Variants in FAT1 observed in about 807,000 individuals in gnomAD.
The protein encoded by FAT1 is protocadherin Fat 1.
FAT1 carries 171 observed loss-of-function variants against 329.8 expected under a neutral mutation model. That is an observed-to-expected ratio of 0.52 (90% CI 0.46 to 0.59). The LOEUF (loss-of-function observed/expected upper bound fraction) is 0.59, where lower values mean the gene tolerates loss of function less well. Among genes scored for constraint, FAT1 ranks in the 20% least tolerant of loss-of-function variants. The probability of loss-of-function intolerance (pLI) is 0.00; values close to 1 mark genes in which losing one functional copy is unlikely to be tolerated. For missense variants in FAT1, 5,672 were observed against 5,774.4 expected, an observed-to-expected ratio of 0.98 and a Z score of 0.57; for synonymous variants, 2,233 against 2,228.6, an observed-to-expected ratio of 1.00 and a Z score of -0.06.
At chr4:186,602,027 T>C (rs916111315) in intron 20 of FAT1, among the ~76,000 whole-genome samples, 1 of 151,922 alleles carries the variant, frequency 6.6e-6, no homozygotes, top group Non-Finnish European at 1.5e-5. Flanking sequence ...ACCCAGACCA[T>C]CAAACAACAT....
rs201255830 is a variant in FAT1, at chr4:186,600,014, T to C, written c.11987A>G (p.Tyr3996Cys). The change falls in exon 22 of 27, where the codon TAT (tyrosine) becomes TGT (cysteine). Residue 3996 changes from tyrosine to cysteine, a missense_variant. Physicochemically the swap from Tyr to Cys is radical, Grantham distance 194 (BLOSUM62 -2). Coordinates refer to ENST00000441802, the MANE Select transcript of FAT1 (RefSeq NM_005245.4). The stretch of plus-strand genomic sequence containing the variant: ...ATCCACCGACTCTTCGATGTGTGCA[T>C]AGCTTCTGGGTTTGCTGTTTAAAGG... ...ELPLNSKPRSYAHIEESVDVS... is the reference protein window; with the variant it reads ...ELPLNSKPRSCAHIEESVDVS... 348 of 1,613,984 alleles carry C rather than the reference T, an allele frequency of 2.2e-4. 1 individual carries two copies. The highest frequency in any genetic ancestry group is 2.7e-5 in the Non-Finnish European group (32 of 1,179,874).
intron 1 of FAT1, among the ~76,000 whole-genome samples, chr4:186,713,269 C>G (rs1745049414): frequency 6.6e-6 from 1 of 152,082 alleles, no homozygotes; most frequent in African/African-American, 2.4e-5. Context: ...ATTTTCCTTG[C>G]TTTTAATGAT....
intron 3 of FAT1, among the ~76,000 whole-genome samples, chr4:186,652,809 C>A (rs1330598743): frequency 6.6e-6 from 1 of 152,072 alleles, no homozygotes; most frequent in African/African-American, 2.4e-5. Flanking sequence ...TACTCTGGTT[C>A]AGAAAAAAAT....
chr4:186,720,247 CTTAT>C (rs903173091), intron 1 of FAT1, among the ~76,000 whole-genome samples: 2 of 152,180 alleles, frequency 1.3e-5, no homozygotes, highest in Non-Finnish European at 2.9e-5. Flanking sequence ...TCACATACAG[CTTAT>C]TTGTTTTCAC....
chr4:186,610,244 A>G (rs1311032252), intron 14 of FAT1, among the ~76,000 whole-genome samples: 1 of 152,082 alleles, frequency 6.6e-6, no homozygotes, highest in Non-Finnish European at 1.5e-5. Flanking sequence ...TGATATTTAA[A>G]TTGCTTTTCC....
intron 3 of FAT1, among the ~76,000 whole-genome samples, chr4:186,643,089 T>G (rs1479085119): frequency 1.3e-5 from 2 of 152,222 alleles, no homozygotes; most frequent in Non-Finnish European, 2.9e-5. Flanking sequence ...CTGAGACCAG[T>G]GGAATTTAAA....
In FAT1 at chr4:186,633,597, T is replaced by C. The variant is rs147426020; in HGVS notation, c.4323+87A>G. ...GATTTTAGACCCTCACAGGGCAGAATCCACCGCTCATATTGCCCGTGGACC... is the reference window on the plus strand; with the variant it reads ...GATTTTAGACCCTCACAGGGCAGAACCCACCGCTCATATTGCCCGTGGACC... On this transcript the variant is annotated intron_variant, in intron 7 of 26. Coordinates refer to ENST00000441802, the MANE Select transcript of FAT1 (RefSeq NM_005245.4). 722 of 1,445,518 alleles carry C rather than the reference T, an allele frequency of 5.0e-4. 2 individuals are homozygous for C. In the African/African-American group the frequency reaches 8.6e-3, roughly 17 times the overall value. The allele number at this position is 1,445,518 out of a possible 1,614,324, so 89.5% of individuals were successfully genotyped here.
chr4:186,698,283 C>G (rs560422314), intron 2 of FAT1, among the ~76,000 whole-genome samples: 2 of 152,268 alleles, frequency 1.3e-5, no homozygotes, highest in African/African-American at 2.4e-5. Context: ...GGAAGTGCCC[C>G]CGCAGCGAAG....
chr4:186,692,486 G>T (rs1027229898), intron 2 of FAT1, among the ~76,000 whole-genome samples: 1 of 151,888 alleles, frequency 6.6e-6, no homozygotes, highest in African/African-American at 2.4e-5. Flanking sequence ...CTAATTTTTT[G>T]TATTTTTAGT....
chr4:186,622,411 A>G (rs570778502), intron 9 of FAT1, among the ~76,000 whole-genome samples: 3 of 152,272 alleles, frequency 2.0e-5, no homozygotes, highest in African/African-American at 7.2e-5. Context: ...TAATGCCTGC[A>G]GACATTTTTG....
Position 186,707,582 on chromosome 4 carries a change from T to A in FAT1, c.2246A>T (p.Asn749Ile), listed in dbSNP as rs369161430. 5 of 1,614,044 alleles carry A rather than the reference T, an allele frequency of 3.1e-6. No individual in the cohort carries two copies. Among genetic ancestry groups the A allele is most frequent in the Non-Finnish European group, 3.4e-6 (4 of 1,179,894 alleles). ...AGAAACAGCATAGACCAGTTTTCCA[T>A]TGAAGCCAGTGTCAAGGTCAGTGGA... ...MNSTDLDTGF[N>I]GKLVYAVSGG... The change falls in exon 2 of 27, where the codon AAT becomes ATT. Residue 749 changes from asparagine (N) to isoleucine (I), a missense_variant. Physicochemically the swap from Asn to Ile is moderately radical, Grantham distance 149. This residue lies in a region of FAT1 where 3,966 missense variants were observed against 3,915.2 expected (regional missense o/e 1.01). Coordinates refer to ENST00000441802, the MANE Select transcript of FAT1 (RefSeq NM_005245.4).
chr4:186,595,791 T>G lies in FAT1; in HGVS notation c.13036A>C (p.Lys4346Gln). 6.2e-7 allele frequency: 1 copy of G among 1,613,916 alleles called. No homozygotes were observed. The highest frequency in any genetic ancestry group is 8.5e-7 in the Non-Finnish European group (1 of 1,179,876). ...TGGGAAGGCTTTTCCTCTAGAGGCTTCTTGGAAAGACAGGGATCAAGATCC... is the reference window on the plus strand; with the variant it reads ...TGGGAAGGCTTTTCCTCTAGAGGCTGCTTGGAAAGACAGGGATCAAGATCC... Reference protein sequence around the residue: ...VVDLDPCLSKKPLEEKPSQPY... With the variant: ...VVDLDPCLSKQPLEEKPSQPY... Residue 4346 changes from lysine to glutamine, a missense_variant, in exon 26 of 27, where the codon AAG becomes CAG. Physicochemically the swap from Lys to Gln is moderately conservative, Grantham distance 53. This residue lies in a region of FAT1 where 1,706 missense variants were observed against 1,859.1 expected (regional missense o/e 0.92). Coordinates refer to ENST00000441802, the MANE Select transcript of FAT1 (RefSeq NM_005245.4).
In FAT1 at chr4:186,619,173, A is replaced by C. The variant is rs2126502924; in HGVS notation, c.7413T>G (p.Val2471=). ...YSLNLSVSDG[V]FRSSTQVHVT... is the part of the protein sequence containing the mutation. ...CATGAACCTGGGTGGAACTTCTAAA[A>C]ACTCCATCAGACACTGACAGGTTAA... Residue 2471 remains valine, a synonymous_variant, in exon 10 of 27, where the codon GTT becomes GTG. Transcript: ENST00000441802. 1 of 1,613,952 alleles carries C rather than the reference A, an allele frequency of 6.2e-7. No homozygotes were observed. Among genetic ancestry groups the C allele is most frequent in the South Asian group, 1.1e-5 (1 of 91,080 alleles).
rs149133252 is a variant in FAT1 at position 186,595,441 on chromosome 4, G to A, written c.13138+248C>T. Reference sequence around the variant, plus strand: ...AAAAAAAGCCAATATAAGATTAGTCGATCAGATCCTTCAATGAATATGTTC... The same window carrying A: ...AAAAAAAGCCAATATAAGATTAGTCAATCAGATCCTTCAATGAATATGTTC... On this transcript the variant is annotated intron_variant, in intron 26 of 26. Transcript: ENST00000441802. Among the ~76,000 whole-genome samples the A allele has an allele frequency of 3.9e-5, 6 of 152,132 alleles. No homozygotes were observed. In the East Asian group the frequency reaches 7.7e-4, roughly 20 times the overall value.
chr4:186,590,663 T>A (rs998618440), intron 26 of FAT1: 1 of 456,158 alleles, frequency 2.2e-6, no homozygotes, highest in African/African-American at 2.0e-5. Flanking sequence ...ACTCAAATAT[T>A]ACTTTCTTTT....
At chr4:186,592,769 A>G (rs780719316) in intron 26 of FAT1, 6 of 456,540 alleles carry the variant, frequency 1.3e-5, no homozygotes, top group Non-Finnish European at 2.6e-5. Context: ...AAAAGGTACA[A>G]AAGCAGTCAA....
upstream of FAT1, among the ~76,000 whole-genome samples, chr4:186,724,083 G>A (rs952790830): frequency 1.3e-5 from 2 of 151,502 alleles, no homozygotes; most frequent in African/African-American, 2.4e-5. The surrounding 1 kb of genome is among the most constrained non-coding windows in gnomAD (Gnocchi z 5.3). Context: ...CGAGGGGCAG[G>A]GCGAGGCTTG....
rs2126511851 is a variant in FAT1, at chr4:186,620,048, G to C, written c.6538C>G (p.Pro2180Ala). ...CTGTAGAAAGGTTTTTCAAACACAG[G>C]CATGGCTTTATTCATGACAGTGATC... ...VPITVMNKAM[P>A]VFEKPFYSAE... is the part of the protein sequence containing the mutation. Residue 2180 changes from proline (P) to alanine (A), a missense_variant, in exon 10 of 27, where the codon CCT becomes GCT. This residue lies in a region of FAT1 where 3,966 missense variants were observed against 3,915.2 expected (regional missense o/e 1.01). Coordinates refer to ENST00000441802, the MANE Select transcript of FAT1 (RefSeq NM_005245.4). 6.2e-7 allele frequency: 1 copy of C among 1,613,994 alleles called. No individual in the cohort carries two copies. Among genetic ancestry groups the C allele is most frequent in the Non-Finnish European group, 8.5e-7 (1 of 1,179,894 alleles).
At chr4:186,649,423 T>C (rs1438268343) in intron 3 of FAT1, among the ~76,000 whole-genome samples, 1 of 152,134 alleles carries the variant, frequency 6.6e-6, no homozygotes, top group Non-Finnish European at 1.5e-5. Context: ...AAGCTGTGAG[T>C]GTGAACTGAT....
Sources: allele counts gnomAD v4.1 joint callset (sites outside exome capture counted in the v4.1 genomes callset), GRCh38; gene constraint gnomAD v4.1.1; regional missense constraint gnomAD v4.1.1; non-coding constraint Gnocchi (gnomAD v3.1); transcripts MANE v1.5; gene names NCBI Gene and HGNC (gene_info 2026-07-23, HGNC 2026-07-21).